The following CFAP54 variants were observed in gnomAD, a reference collection of about 807,000 sequenced individuals.
CFAP54 encodes cilia- and flagella-associated protein 54.
A neutral mutation model predicts 370.4 loss-of-function variants in CFAP54; 290 were observed. The ratio of observed to expected loss-of-function variants is 0.78; its 90% CI spans 0.71 to 0.86. The LOEUF (loss-of-function observed/expected upper bound fraction) is 0.86, where lower values mean the gene tolerates loss of function less well. Among genes scored for constraint, CFAP54 ranks in the 40% least tolerant of loss-of-function variants. The probability of loss-of-function intolerance (pLI) is 0.00; values close to 1 mark genes in which losing one functional copy is unlikely to be tolerated. For synonymous variants in CFAP54, 1,206 were observed against 1,236.5 expected, an observed-to-expected ratio of 0.98 and a Z score of 0.52; for missense variants, 3,399 against 3,528.7, an observed-to-expected ratio of 0.96 and a Z score of 0.93.
At position 96,817,773 on chromosome 12, in the gene CFAP54, A is replaced by T; in HGVS notation, c.8958-2A>T. The T allele has an allele frequency of 6.9e-7, 1 of 1,455,236 alleles. No individual in the cohort carries two copies. Among genetic ancestry groups the T allele is most frequent in the Non-Finnish European group, 9.1e-7 (1 of 1,101,988 alleles). The allele number at this position is 1,455,236 out of a possible 1,614,324, so 90.1% of individuals were successfully genotyped here. ...AAATACATATATATTTGTTATTTTCAGGGTTATTGCAATTCATGAGAAATT... is the reference window on the plus strand; with the variant it reads ...AAATACATATATATTTGTTATTTTCTGGGTTATTGCAATTCATGAGAAATT... On this transcript the variant is annotated splice_acceptor_variant, in intron 64 of 67. Transcript: ENST00000524981. LOFTEE classifies it high-confidence loss of function.
chr12:96,862,707 C>T (rs530232437), intron 67 of CFAP54, among the ~76,000 whole-genome samples: 3 of 151,986 alleles, frequency 2.0e-5, no homozygotes, highest in African/African-American at 7.3e-5. Flanking sequence ...ATGTCTATAC[C>T]CTCATATGAA....
chr12:96,616,645 T>A (rs1234480543), intron 26 of CFAP54, among the ~76,000 whole-genome samples: 1 of 152,242 alleles, frequency 6.6e-6, no homozygotes, highest in Non-Finnish European at 1.5e-5. Context: ...ATTATTAACG[T>A]TAATCACTCC....
intron 66 of CFAP54, among the ~76,000 whole-genome samples, chr12:96,854,968 A>G (rs763274014): frequency 3.9e-5 from 6 of 152,186 alleles, no homozygotes; most frequent in Non-Finnish European, 7.3e-5. Flanking sequence ...TGTAAAGGAA[A>G]GAGGTTTAAT....
At chr12:96,842,519 T>C (rs747944919) in intron 66 of CFAP54, among the ~76,000 whole-genome samples, 3 of 152,220 alleles carry the variant, frequency 2.0e-5, no homozygotes, top group Non-Finnish European at 2.9e-5. Flanking sequence ...AGGAATTTTA[T>C]AGTATGTAAC....
At chr12:96,518,672 C>A (rs1183172689) in intron 5 of CFAP54, among the ~76,000 whole-genome samples, 1 of 152,144 alleles carries the variant, frequency 6.6e-6, no homozygotes, top group Non-Finnish European at 1.5e-5. Context: ...GGTGACAGAG[C>A]AAGACTCTGT....
chr12:96,666,730 TG>T (rs1660154443), intron 39 of CFAP54, among the ~76,000 whole-genome samples: 1 of 152,180 alleles, frequency 6.6e-6, no homozygotes, highest in Non-Finnish European at 1.5e-5. Flanking sequence ...AGATGAGATT[TG>T]GGTGGGGATA....
intron 19 of CFAP54, among the ~76,000 whole-genome samples, chr12:96,565,344 C>A (rs1371250310): frequency 2.6e-5 from 4 of 152,074 alleles, no homozygotes; most frequent in Non-Finnish European, 5.9e-5. Flanking sequence ...AATGGTCCTA[C>A]CACCTCAGCC....
At chr12:96,807,318 AT>A in intron 63 of CFAP54, among the ~76,000 whole-genome samples, 2 of 152,294 alleles carry the variant, frequency 1.3e-5, no homozygotes. Flanking sequence ...AACACATATA[AT>A]TTAGCTGCTT....
chr12:96,617,110 G>A (rs1956427604), intron 26 of CFAP54, among the ~76,000 whole-genome samples: 2 of 152,190 alleles, frequency 1.3e-5, no homozygotes, highest in Admixed American at 6.5e-5. Context: ...CCTGGTCTGG[G>A]CAGTTGGGTG....
At position 96,506,927 on chromosome 12, in the gene CFAP54, G is replaced by A. The variant is rs1203499064; in HGVS notation, c.568-1G>A. 1 of 1,529,502 alleles carries A rather than the reference G, an allele frequency of 6.5e-7. No homozygotes were observed. Among genetic ancestry groups the A allele is most frequent in the Non-Finnish European group, 8.7e-7 (1 of 1,144,766 alleles). 94.7% of individuals were successfully genotyped at this position (1,529,502 alleles called of 1,614,324 possible). A position where few individuals can be genotyped will look rare whatever the true frequency, so the allele number is the denominator to read the frequency against. ...TATTTCTATTTTCCCATGTGTTTCAGTTTCATGCTTTGAGTGGCAAAAATA... is the reference window on the plus strand; with the variant it reads ...TATTTCTATTTTCCCATGTGTTTCAATTTCATGCTTTGAGTGGCAAAAATA... On this transcript the variant is annotated splice_acceptor_variant, in intron 3 of 67. Transcript: ENST00000524981. LOFTEE classifies it high-confidence loss of function.
intron 2 of CFAP54, 31 bp from the exon 3 acceptor site, chr12:96,503,855 G>A: frequency 6.9e-7 from 1 of 1,447,760 alleles, no homozygotes; most frequent in Non-Finnish European, 9.1e-7. Context: ...TGATATTTTG[G>A]AACTTTAATC....
At chr12:96,496,338 A>G (rs1954954782) in intron 1 of CFAP54, among the ~76,000 whole-genome samples, 1 of 152,220 alleles carries the variant, frequency 6.6e-6, no homozygotes, top group African/African-American at 2.4e-5. Context: ...TGTATTAGCC[A>G]GCTCAGGCTG....
At chr12:96,766,255 T>A (rs1958400908) in intron 60 of CFAP54, among the ~76,000 whole-genome samples, 1 of 152,184 alleles carries the variant, frequency 6.6e-6, no homozygotes, top group African/African-American at 2.4e-5. Context: ...TTTATAGATT[T>A]TTTTTTACGC....
chr12:96,648,799 A>G (rs995978106), intron 34 of CFAP54, among the ~76,000 whole-genome samples: 1 of 152,022 alleles, frequency 6.6e-6, no homozygotes, highest in Non-Finnish European at 1.5e-5. Flanking sequence ...TATGTTGGCC[A>G]GGCTGGTCTC....
chr12:96,859,421 GT>G (rs71078430), intron 66 of CFAP54, among the ~76,000 whole-genome samples: 75 of 147,500 alleles, frequency 5.1e-4, no homozygotes, highest in Middle Eastern at 3.5e-3. Context: ...TTTGTTTTTT[GT>G]TTTTTTTTTG....
chr12:96,547,402 G>T (rs1274160070), intron 14 of CFAP54, among the ~76,000 whole-genome samples: 2 of 152,096 alleles, frequency 1.3e-5, no homozygotes, highest in Admixed American at 1.3e-4. Context: ...GGCCAGGCTG[G>T]TCTTGAACTC....
intron 27 of CFAP54, among the ~76,000 whole-genome samples, chr12:96,622,981 C>G (rs1449816557): frequency 6.6e-6 from 1 of 152,060 alleles, no homozygotes; most frequent in Admixed American, 6.6e-5. Flanking sequence ...TGTCTACTCT[C>G]AGAGTCTATC....
chr12:96,616,814 A>G (rs1956424175), intron 26 of CFAP54, among the ~76,000 whole-genome samples: 1 of 152,204 alleles, frequency 6.6e-6, no homozygotes, highest in African/African-American at 2.4e-5. Flanking sequence ...TGTGGGGTCA[A>G]GGAGGTGCCA....
At chr12:96,494,918 A>T (rs1954932230) in intron 1 of CFAP54, among the ~76,000 whole-genome samples, 1 of 151,044 alleles carries the variant, frequency 6.6e-6, no homozygotes, top group Admixed American at 6.6e-5. Flanking sequence ...GTAGAGACGG[A>T]GTTTCACCAT....
Sources: gnomAD v4.1 joint callset for allele counts (sites outside exome capture counted in the v4.1 genomes callset) on GRCh38, gnomAD v4.1.1 for gene constraint, MANE v1.5 for transcripts, NCBI Gene and HGNC (gene_info 2026-07-23, HGNC 2026-07-21) for gene names.